Variants in TENM1 observed in about 807,000 individuals in gnomAD.
TENM1 encodes the protein teneurin-1.
TENM1 carries 35 observed loss-of-function variants against 174.8 expected under a neutral mutation model. The ratio of observed to expected loss-of-function variants is 0.20; its 90% CI spans 0.15 to 0.27. TENM1 has a LOEUF of 0.27. Among genes scored for constraint, TENM1 ranks in the 10% least tolerant of loss-of-function variants. The pLI is 1.00. For synonymous variants in TENM1, 781 were observed against 798.7 expected (o/e 0.98, Z 0.37); for missense variants, 1,633 against 2,130.1 (o/e 0.77, Z 4.59).
intron 3 of TENM1, among the ~76,000 whole-genome samples, chrX:124,836,828 G>A (rs1462294323): frequency 1.8e-5 from 2 of 112,215 alleles, no homozygotes; most frequent in African/African-American, 3.2e-5. Context: ...GCTACTACTT[G>A]ATCTTTGCTT....
chrX:124,920,309 A>G (rs2057999579), intron 1 of TENM1, among the ~76,000 whole-genome samples: 1 of 111,621 alleles, frequency 9.0e-6, no homozygotes, highest in Non-Finnish European at 1.9e-5. Flanking sequence ...TTTCCTCTCA[A>G]TAGTATGTCA....
intron 27 of TENM1, among the ~76,000 whole-genome samples, chrX:124,396,304 C>CTTTTTTTTTTTTT (rs1257692658): frequency 0.21 from 14,722 of 68,840 alleles, 2,767 homozygotes; most frequent in African/African-American, 0.34. Context: ...CTCTCCCAAC[C>CTTTTTTTTTTTTT]TTTTTTTTTT....
intron 3 of TENM1, among the ~76,000 whole-genome samples, chrX:124,878,537 T>A (rs994672288): frequency 3.6e-5 from 4 of 109,632 alleles, no homozygotes; most frequent in Non-Finnish European, 7.6e-5. Flanking sequence ...GTTATTTTAA[T>A]GAGCCAGGCA....
At chrX:124,803,670 G>A (rs2055512970) in intron 3 of TENM1, among the ~76,000 whole-genome samples, 1 of 112,043 alleles carries the variant, frequency 8.9e-6, no homozygotes, top group African/African-American at 3.2e-5. Flanking sequence ...AGATTCATGG[G>A]GGCAGAGACC....
intron 6 of TENM1, among the ~76,000 whole-genome samples, chrX:124,661,727 T>C (rs747827418): frequency 8.2e-4 from 92 of 111,664 alleles, no homozygotes; most frequent in African/African-American, 2.7e-3. Flanking sequence ...ATTGGGCATT[T>C]AATAAAAACA....
At chrX:124,977,967 TGAGAGAGAGAGAGAGAGAGAGAGAGA>T in the TENM1 span, among the ~76,000 whole-genome samples, 31 of 33,091 alleles carry the variant, frequency 9.4e-4, no homozygotes, top group East Asian at 4.5e-3. Flanking sequence ...TGTGTGTGTG[TGAGAGAGAGAGAGAGAGAGAGAGAGA>T]GAGAGAGAGA....
the TENM1 span, among the ~76,000 whole-genome samples, chrX:125,049,658 T>C: frequency 8.9e-6 from 1 of 111,919 alleles, no homozygotes; most frequent in African/African-American, 3.2e-5. Flanking sequence ...TCACAAGCAA[T>C]GTATAAGTGT....
chrX:125,024,704 C>T, the TENM1 span, among the ~76,000 whole-genome samples: 1 of 111,339 alleles, frequency 9.0e-6, no homozygotes, highest in African/African-American at 3.3e-5. Flanking sequence ...TACCATTAAA[C>T]AATATTATCC....
At chrX:124,537,201 T>G (rs2048224338) in intron 15 of TENM1, among the ~76,000 whole-genome samples, 1 of 111,776 alleles carries the variant, frequency 8.9e-6, no homozygotes, top group Non-Finnish European at 1.9e-5. Flanking sequence ...GATGTCATCA[T>G]AGTAAAATTA....
chrX:125,058,606 T>G, the TENM1 span, among the ~76,000 whole-genome samples: 14 of 111,091 alleles, frequency 1.3e-4, no homozygotes, highest in African/African-American at 4.6e-4. Flanking sequence ...TGCCTAATAC[T>G]CGGACTACTA....
At chrX:124,442,851 G>A (rs900565036) in intron 23 of TENM1, among the ~76,000 whole-genome samples, 1 of 109,938 alleles carries the variant, frequency 9.1e-6, no homozygotes, top group Non-Finnish European at 1.9e-5. Context: ...TTGTAGAGAC[G>A]GGGGTTTCGT....
intron 1 of TENM1, among the ~76,000 whole-genome samples, chrX:124,916,227 G>C (rs759452282): frequency 8.9e-6 from 1 of 111,811 alleles, no homozygotes; most frequent in Non-Finnish European, 1.9e-5. Context: ...TGTTTAAGGG[G>C]TGGACACCTG....
chrX:124,682,587 C>T (rs1034382992), intron 5 of TENM1, among the ~76,000 whole-genome samples: 1 of 111,005 alleles, frequency 9.0e-6, no homozygotes, highest in African/African-American at 3.3e-5. Context: ...GGGGCCAGTA[C>T]ATTTAAAGTG....
At chrX:124,907,708 T>G (rs918777867) in intron 1 of TENM1, among the ~76,000 whole-genome samples, 2 of 112,170 alleles carry the variant, frequency 1.8e-5, no homozygotes, top group Admixed American at 9.5e-5. Flanking sequence ...TTGTTTACCA[T>G]TAATTTCTAC....
chrX:125,200,654 T>TGTGTGTGAGAGAGA, the TENM1 span, among the ~76,000 whole-genome samples: 14 of 92,418 alleles, frequency 1.5e-4, no homozygotes, highest in African/African-American at 5.9e-4. Flanking sequence ...TGTGTGTGTG[T>TGTGTGTGAGAGAGA]GAGAGAGAGA....
chrX:124,803,513 T>C (rs1340769489), intron 3 of TENM1, among the ~76,000 whole-genome samples: 1 of 112,311 alleles, frequency 8.9e-6, no homozygotes, highest in Non-Finnish European at 1.9e-5. Context: ...CTATCCTCTC[T>C]ATCCAAACTG....
At chrX:124,996,619 C>A in the TENM1 span, among the ~76,000 whole-genome samples, 1 of 108,989 alleles carries the variant, frequency 9.2e-6, no homozygotes, top group African/African-American at 3.3e-5. Flanking sequence ...AAATGAAATT[C>A]AACCCTATAT....
the TENM1 span, among the ~76,000 whole-genome samples, chrX:124,975,920 C>T: frequency 2.7e-5 from 3 of 111,021 alleles, no homozygotes; most frequent in African/African-American, 9.8e-5. Flanking sequence ...GACAAAATAG[C>T]ATTCCTTTAT....
At chrX:124,669,129 A>G (rs1292907788) in intron 6 of TENM1, among the ~76,000 whole-genome samples, 2 of 112,152 alleles carry the variant, frequency 1.8e-5, no homozygotes, top group African/African-American at 6.5e-5. Flanking sequence ...ACTGTGCTAT[A>G]TGCTTTATAT....
Sources: gnomAD v4.1 joint callset for allele counts (sites outside exome capture counted in the v4.1 genomes callset) on GRCh38, gnomAD v4.1.1 for gene constraint, MANE v1.5 for transcripts, NCBI Gene and HGNC (gene_info 2026-07-23, HGNC 2026-07-21) for gene names.